MID1: variants seen among roughly 807,000 people sequenced by gnomAD.
MID1 encodes midline 1, also known as E3 ubiquitin-protein ligase Midline-1.
In MID1, 7 loss-of-function variants were observed where a neutral mutation model predicts 40.4. That is an observed-to-expected ratio of 0.17 (90% CI 0.10 to 0.33). The LOEUF (loss-of-function observed/expected upper bound fraction) is 0.33, where lower values mean the gene tolerates loss of function less well. Ranked by LOEUF, MID1 falls within the 10% of genes least tolerant of loss-of-function variation. The pLI is 1.00. For synonymous variants in MID1, 229 were observed against 221.2 expected (o/e 1.04, Z -0.31); for missense variants, 367 against 558.5 (o/e 0.66, Z 3.46).
intron 1 of MID1, among the ~76,000 whole-genome samples, chrX:10,804,605 C>T (rs1276394896): frequency 9.0e-6 from 1 of 111,333 alleles, no homozygotes; most frequent in East Asian, 2.8e-4. Context: ...TGTCATTATA[C>T]AGGAGCACTG....
chrX:10,801,151 T>C (rs1487613309), intron 1 of MID1, among the ~76,000 whole-genome samples: 3 of 111,867 alleles, frequency 2.7e-5, no homozygotes, highest in African/African-American at 9.7e-5. Flanking sequence ...CAAGAAATTA[T>C]GTTATTTCCC....
chrX:10,654,527 C>T (rs895466535), intron 1 of MID1, among the ~76,000 whole-genome samples: 4 of 111,673 alleles, frequency 3.6e-5, no homozygotes, highest in African/African-American at 1.3e-4. Context: ...CTAGATCCCT[C>T]GCATGCACGG....
intron 1 of MID1, among the ~76,000 whole-genome samples, chrX:10,698,285 C>T (rs960757867): frequency 8.9e-6 from 1 of 111,836 alleles, no homozygotes; most frequent in African/African-American, 3.3e-5. Flanking sequence ...AATGAAATAG[C>T]CTCATAACAC....
intron 1 of MID1, among the ~76,000 whole-genome samples, chrX:10,744,229 G>A (rs1478427224): frequency 1.8e-5 from 2 of 111,873 alleles, no homozygotes; most frequent in Non-Finnish European, 3.8e-5. Context: ...AATGTAAGAA[G>A]ACCTGGAAAG....
intron 3 of MID1, chrX:10,501,374 A>ATTTT (rs1931533694): frequency 8.8e-7 from 1 of 1,136,897 alleles, no homozygotes; most frequent in East Asian, 3.3e-5. Flanking sequence ...ACCTCATCTC[A>ATTTT]TTTTTGACCT....
intron 1 of MID1, among the ~76,000 whole-genome samples, chrX:10,762,957 T>C (rs769078253): frequency 1.4e-4 from 16 of 111,720 alleles, no homozygotes; most frequent in African/African-American, 5.2e-4. Flanking sequence ...AGAAGTGATC[T>C]TAGTTTAGAT....
chrX:10,793,780 C>CA (rs2043950059), intron 1 of MID1, among the ~76,000 whole-genome samples: 1 of 112,359 alleles, frequency 8.9e-6, no homozygotes, highest in Non-Finnish European at 1.9e-5. Context: ...CTCTGCCTGG[C>CA]ATGCCCTTCA....
upstream of MID1, among the ~76,000 whole-genome samples, chrX:10,622,271 A>G (rs2147548529): frequency 9.0e-6 from 1 of 111,237 alleles, no homozygotes; most frequent in South Asian, 3.9e-4. Context: ...GGCTCCTGCC[A>G]TTAAATACTG....
At chrX:10,658,487 CA>C (rs1472719316) in intron 1 of MID1, among the ~76,000 whole-genome samples, 1 of 21,322 alleles carries the variant, frequency 4.7e-5, no homozygotes, top group East Asian at 1.8e-3. Context: ...ACAGAACATA[CA>C]AAAATAAAGA....
intron 2 of MID1, among the ~76,000 whole-genome samples, chrX:10,555,666 A>T (rs754414189): frequency 1.4e-3 from 151 of 111,205 alleles, no homozygotes; most frequent in African/African-American, 4.7e-3. Context: ...TAAAGCAGAT[A>T]GGGAAAAGAA....
At chrX:10,620,921 TA>T (rs757453742), upstream of MID1, among the ~76,000 whole-genome samples, 1 of 112,172 alleles carries the variant, frequency 8.9e-6, no homozygotes, top group Admixed American at 9.4e-5. Flanking sequence ...AGGGTATTTT[TA>T]AAAGGATATC....
At chrX:10,747,329 T>C (rs2043565501) in intron 1 of MID1, among the ~76,000 whole-genome samples, 1 of 111,804 alleles carries the variant, frequency 8.9e-6, no homozygotes, top group African/African-American at 3.3e-5. Flanking sequence ...AGTCAGAGGA[T>C]TCAAAAACAT....
At chrX:10,495,033 T>C (rs187456607) in intron 4 of MID1, among the ~76,000 whole-genome samples, 2 of 111,159 alleles carry the variant, frequency 1.8e-5, no homozygotes, top group African/African-American at 6.5e-5. Flanking sequence ...AATTAAAACA[T>C]AGAAACATTA....
intron 1 of MID1, among the ~76,000 whole-genome samples, chrX:10,819,719 A>G (rs1194205412): frequency 9.0e-6 from 1 of 111,655 alleles, no homozygotes; most frequent in Admixed American, 9.5e-5. Context: ...CAATCTTCAA[A>G]CTATCATCTT....
At chrX:10,542,217 G>C (rs1443191693) in intron 2 of MID1, among the ~76,000 whole-genome samples, 2 of 112,113 alleles carry the variant, frequency 1.8e-5, no homozygotes, top group Admixed American at 1.9e-4. Flanking sequence ...GACTTTTTAA[G>C]GCTGGGATGA....
chrX:10,664,429 C>T (rs1489586535), intron 1 of MID1, among the ~76,000 whole-genome samples: 1 of 111,987 alleles, frequency 8.9e-6, no homozygotes, highest in Non-Finnish European at 1.9e-5. Context: ...CTCGGCCTCC[C>T]AAAGTGCTAG....
intron 1 of MID1, among the ~76,000 whole-genome samples, chrX:10,647,733 A>T (rs754597225): frequency 9.0e-6 from 1 of 111,422 alleles, no homozygotes; most frequent in South Asian, 3.8e-4. Flanking sequence ...GTGGGAAAGC[A>T]TGGAAAATGC....
At chrX:10,567,872 C>G (rs1172284913) in intron 1 of MID1, among the ~76,000 whole-genome samples, 1 of 110,932 alleles carries the variant, frequency 9.0e-6, no homozygotes, top group Non-Finnish European at 1.9e-5. Flanking sequence ...AGGCTTCATT[C>G]AAAACTAGAA....
intron 3 of MID1, among the ~76,000 whole-genome samples, chrX:10,517,693 C>T (rs1484350772): frequency 8.9e-6 from 1 of 112,129 alleles, no homozygotes; most frequent in Non-Finnish European, 1.9e-5. Flanking sequence ...GAACTACTTG[C>T]TTTGTGTACA....
Sources: allele counts gnomAD v4.1 joint callset (sites outside exome capture counted in the v4.1 genomes callset), GRCh38; gene constraint gnomAD v4.1.1; transcripts MANE v1.5; gene names NCBI Gene and HGNC (gene_info 2026-07-23, HGNC 2026-07-21).